Variants in RAB12 observed in about 807,000 individuals in gnomAD.
RAB12 encodes RAB12, member RAS oncogene family, also known as ras-related protein Rab-12.
In RAB12, 11 loss-of-function variants were observed where a neutral mutation model predicts 28.4. The ratio of observed to expected loss-of-function variants is 0.39; its 90% CI spans 0.24 to 0.64. The LOEUF is 0.64. Among genes scored for constraint, RAB12 ranks in the 30% least tolerant of loss-of-function variants. The pLI, the probability that RAB12 is intolerant of heterozygous loss-of-function variation, is 0.50. For synonymous variants in RAB12, 138 were observed against 145.3 expected, an observed-to-expected ratio of 0.95 and a Z score of 0.36; for missense variants, 276 against 351.1, an observed-to-expected ratio of 0.79 and a Z score of 1.71.
chr18:8,618,511 C>CT (rs745429552), intron 1 of RAB12, among the ~76,000 whole-genome samples: 112 of 145,424 alleles, frequency 7.7e-4, no homozygotes, highest in Admixed American at 1.1e-3. Flanking sequence ...CCCTTTTCCT[C>CT]TTTTTTTTTT....
At chr18:8,624,246 G>C (rs2096011472) in intron 1 of RAB12, among the ~76,000 whole-genome samples, 1 of 152,180 alleles carries the variant, frequency 6.6e-6, no homozygotes, top group Non-Finnish European at 1.5e-5. Context: ...TTGTATAACT[G>C]GAAGGCATAT....
At chr18:8,625,309 T>C (rs1403118017) in intron 2 of RAB12, among the ~76,000 whole-genome samples, 1 of 152,264 alleles carries the variant, frequency 6.6e-6, no homozygotes, top group Non-Finnish European at 1.5e-5. Context: ...ACTAAAATGA[T>C]TGCTCAAATG....
intron 1 of RAB12, among the ~76,000 whole-genome samples, chr18:8,623,137 GA>G (rs1162976576): frequency 2.1e-4 from 32 of 152,306 alleles, no homozygotes; most frequent in African/African-American, 7.7e-4. Context: ...AAGATGACAG[GA>G]TTAAGAGATT....
At chr18:8,627,670 G>A (rs956205041) in intron 2 of RAB12, among the ~76,000 whole-genome samples, 9 of 152,226 alleles carry the variant, frequency 5.9e-5, no homozygotes, top group Admixed American at 5.2e-4. Context: ...TGAACTTGGA[G>A]TTGTGTTGAA....
chr18:8,625,040 T>G, intron 2 of RAB12, 42 bp downstream of exon 2: 1 of 1,268,818 alleles, frequency 7.9e-7, no homozygotes, highest in Non-Finnish European at 1.1e-6. Context: ...CTGTGTGTGT[T>G]TAACAGTCCA....
At chr18:8,637,451 G>C (rs1388641567) in intron 5 of RAB12, among the ~76,000 whole-genome samples, 1 of 152,110 alleles carries the variant, frequency 6.6e-6, no homozygotes, top group African/African-American at 2.4e-5. Flanking sequence ...TCTACCATAG[G>C]GTATTAAGCA....
chr18:8,611,350 G>C (rs1224816759), intron 1 of RAB12, among the ~76,000 whole-genome samples: 1 of 152,186 alleles, frequency 6.6e-6, no homozygotes, highest in East Asian at 1.9e-4. Context: ...CCGTACTTCA[G>C]TATATAAAAA....
chr18:8,633,111 A>C, intron 2 of RAB12, 78 bp from the exon 3 acceptor site: 1 of 1,559,998 alleles, frequency 6.4e-7, no homozygotes, highest in Non-Finnish European at 8.8e-7. Flanking sequence ...TGCAGCATAT[A>C]ATCTATGTTT....
chr18:8,627,081 G>C (rs1263224064), intron 2 of RAB12, among the ~76,000 whole-genome samples: 1 of 152,208 alleles, frequency 6.6e-6, no homozygotes, highest in Non-Finnish European at 1.5e-5. Flanking sequence ...CTATGCAGCA[G>C]GTAAAAAGGA....
At chr18:8,637,222 G>A (rs1380060158) in intron 5 of RAB12, among the ~76,000 whole-genome samples, 1 of 150,996 alleles carries the variant, frequency 6.6e-6, no homozygotes, top group Non-Finnish European at 1.5e-5. Flanking sequence ...GATACAGTGA[G>A]CTATGATCGT....
chr18:8,631,720 A>G (rs981211915), intron 2 of RAB12, among the ~76,000 whole-genome samples: 7 of 152,250 alleles, frequency 4.6e-5, no homozygotes, highest in Admixed American at 2.0e-4. Context: ...GTGCACATCT[A>G]TAATTTAGAG....
intron 1 of RAB12, among the ~76,000 whole-genome samples, chr18:8,617,850 T>C (rs920667071): frequency 6.6e-6 from 1 of 152,206 alleles, no homozygotes; most frequent in African/African-American, 2.4e-5. Flanking sequence ...CTTCTGTTTT[T>C]TCATCTATAA....
chr18:8,629,378 T>C (rs548382661), intron 2 of RAB12, among the ~76,000 whole-genome samples: 1 of 152,372 alleles, frequency 6.6e-6, no homozygotes, highest in Non-Finnish European at 1.5e-5. Flanking sequence ...TCCTGAAGAA[T>C]TCAGTCTTCG....
chr18:8,634,128 T>G (rs2096017517), intron 3 of RAB12, among the ~76,000 whole-genome samples: 1 of 152,116 alleles, frequency 6.6e-6, no homozygotes, highest in South Asian at 2.1e-4. Flanking sequence ...ATTGATGATG[T>G]ATGCCTCTTT....
At chr18:8,629,049 T>G (rs918027012) in intron 2 of RAB12, among the ~76,000 whole-genome samples, 1 of 152,234 alleles carries the variant, frequency 6.6e-6, no homozygotes, top group African/African-American at 2.4e-5. Context: ...GAAAAAATGC[T>G]TATTATTTTT....
intron 5 of RAB12, among the ~76,000 whole-genome samples, chr18:8,636,950 A>C (rs2096019294): frequency 6.6e-6 from 1 of 152,172 alleles, no homozygotes; most frequent in Admixed American, 6.6e-5. Flanking sequence ...GTTCATACAT[A>C]ATTCAGAAGC....
chr18:8,621,606 T>G (rs2096009906), intron 1 of RAB12, among the ~76,000 whole-genome samples: 1 of 152,200 alleles, frequency 6.6e-6, no homozygotes, highest in Non-Finnish European at 1.5e-5. Flanking sequence ...TTTTTTTCTT[T>G]TGTTTTTTTC....
At chr18:8,617,733 A>G (rs755807119) in intron 1 of RAB12, among the ~76,000 whole-genome samples, 5 of 152,138 alleles carry the variant, frequency 3.3e-5, no homozygotes, top group Non-Finnish European at 7.4e-5. Flanking sequence ...GTGGGGCTGC[A>G]CAGTGCACAG....
intron 1 of RAB12, among the ~76,000 whole-genome samples, chr18:8,611,205 C>A (rs993204965): frequency 2.0e-5 from 3 of 152,192 alleles, no homozygotes; most frequent in Non-Finnish European, 2.9e-5. Context: ...ATACCTGTTT[C>A]AAATATCCAG....
Sources: allele counts gnomAD v4.1 joint callset (sites outside exome capture counted in the v4.1 genomes callset), GRCh38; gene constraint gnomAD v4.1.1; transcripts MANE v1.5; gene names NCBI Gene and HGNC (gene_info 2026-07-23, HGNC 2026-07-21).